PARD6B: variants seen among roughly 807,000 people sequenced by gnomAD.
The protein encoded by PARD6B is partitioning defective 6 homolog beta.
A neutral mutation model predicts 10.5 loss-of-function variants in PARD6B; 4 were observed. That is an observed-to-expected ratio of 0.38 (90% CI 0.19 to 0.87). PARD6B has a LOEUF of 0.87. Ranked by LOEUF, PARD6B falls within the 40% of genes least tolerant of loss-of-function variation. The pLI, the probability that PARD6B is intolerant of heterozygous loss-of-function variation, is 0.41. For synonymous variants in PARD6B, 169 were observed against 170.4 expected (o/e 0.99, Z 0.07); for missense variants, 396 against 470.6 (o/e 0.84, Z 1.47).
chr20:50,752,318 G>A lies in PARD6B; in HGVS notation c.*1830G>A, dbSNP rs1394680309. 2 of 961,868 alleles carry A rather than the reference G, an allele frequency of 2.1e-6. No individual in the cohort carries two copies. The highest frequency in any genetic ancestry group is 4.1e-5 in the African/African-American group (2 of 48,590). 59.6% of individuals were successfully genotyped at this position (961,868 alleles called of 1,614,324 possible). A position where few individuals can be genotyped will look rare whatever the true frequency, so the allele number is the denominator to read the frequency against. On this transcript the variant is annotated 3_prime_UTR_variant, in exon 3 of 3. Coordinates refer to ENST00000371610, the MANE Select transcript of PARD6B (RefSeq NM_032521.3). The stretch of plus-strand genomic sequence containing the variant: ...GTTTTAACACATAGGACAAACTTGT[G>A]CACTTTTTATGCCAAAAAAAAAAAA...
chr20:50,749,041 G>GT (rs1267220299), intron 2 of PARD6B, among the ~76,000 whole-genome samples: 19 of 152,074 alleles, frequency 1.2e-4, no homozygotes, highest in Non-Finnish European at 1.8e-4. Flanking sequence ...ATTTAATGAT[G>GT]TTTAAGAATA....
chr20:50,742,755 C>A (rs938263918), intron 2 of PARD6B, among the ~76,000 whole-genome samples: 1 of 152,144 alleles, frequency 6.6e-6, no homozygotes, highest in South Asian at 2.1e-4. Context: ...ACTAAAATTT[C>A]TTTAAAGTGA....
chr20:50,743,035 A>G (rs2087539305), intron 2 of PARD6B, among the ~76,000 whole-genome samples: 1 of 152,212 alleles, frequency 6.6e-6, no homozygotes, highest in African/African-American at 2.4e-5. Flanking sequence ...GAGAAGGTAC[A>G]GAATAGACTT....
chr20:50,753,059 T>C lies in PARD6B; in HGVS notation c.*2571T>C. 2 of 938,828 alleles carry C rather than the reference T, an allele frequency of 2.1e-6. No individual in the cohort carries two copies. Among genetic ancestry groups the C allele is most frequent in the Non-Finnish European group, 2.5e-6 (2 of 812,242 alleles). 58.2% of individuals were successfully genotyped at this position (938,828 alleles called of 1,614,324 possible). ...TCAACATTTTAAGTAAAAATATTTT[T>C]ACACACTACCTCTCTCTTTTTTTTT... On this transcript the variant is annotated 3_prime_UTR_variant, in exon 3 of 3. Coordinates refer to ENST00000371610, the MANE Select transcript of PARD6B (RefSeq NM_032521.3).
Position 50,742,055 on chromosome 20 carries a change from G to GTGTTT in PARD6B, c.289+3993_289+3997dup, listed in dbSNP as rs1001884416. Among the ~76,000 whole-genome samples, 24 of 152,002 alleles carry GTGTTT rather than the reference G, an allele frequency of 1.6e-4. 1 individual carries two copies. Among genetic ancestry groups the GTGTTT allele is most frequent in the South Asian group, 8.4e-4 (4 of 4,790 alleles). ...CAGAAGTTACACTTAATATGTACTG[G>GTGTTT]TGTTTTGTTTTGTTTTGTTTTAAGT... is the stretch of plus-strand genomic sequence containing the variant. On this transcript the variant is annotated intron_variant, in intron 2 of 2. Transcript: ENST00000371610.
chr20:50,743,982 C>A lies in PARD6B; in HGVS notation c.290-5677C>A, dbSNP rs2123704696. On this transcript the variant is annotated intron_variant, in intron 2 of 2. Coordinates refer to ENST00000371610, the MANE Select transcript of PARD6B (RefSeq NM_032521.3). Reference sequence around the variant, plus strand: ...ACGTGGGTGTCACCTTTGACACATACCTATTTTTTAGTCAGTCACCAAGCC... The same window carrying A: ...ACGTGGGTGTCACCTTTGACACATAACTATTTTTTAGTCAGTCACCAAGCC... 1.3e-5 allele frequency among the ~76,000 whole-genome samples: 2 copies of A among 151,888 alleles called. 1 individual carries two copies. Among genetic ancestry groups the A allele is most frequent in the South Asian group, 4.2e-4 (2 of 4,790 alleles).
intron 2 of PARD6B, among the ~76,000 whole-genome samples, chr20:50,744,198 T>A (rs1012696277): frequency 7.5e-6 from 1 of 132,998 alleles, no homozygotes; most frequent in Non-Finnish European, 1.6e-5. Context: ...CACGGCAACC[T>A]CCGCCTCCTG....
chr20:50,750,527 AG>A lies in PARD6B; in HGVS notation c.*41del. 1 of 1,587,476 alleles carries A rather than the reference AG, an allele frequency of 6.3e-7. No homozygotes were observed. Among genetic ancestry groups the A allele is most frequent in the Non-Finnish European group, 8.6e-7 (1 of 1,167,414 alleles). On this transcript the variant is annotated 3_prime_UTR_variant, in exon 3 of 3. Coordinates refer to ENST00000371610, the MANE Select transcript of PARD6B (RefSeq NM_032521.3). ...ATGTTTTCAGAGTGAGGATGCCATG[AG>A]GACTTGTACATTTGGCTAGTTTAAA...
Position 50,752,350 on chromosome 20 carries a change from GT to G in PARD6B, c.*1866del. On this transcript the variant is annotated 3_prime_UTR_variant, in exon 3 of 3. Transcript: ENST00000371610. ...TTATGCCAAAAAAAAAAAAAATTGG[GT>G]TTTCCTTCATGGGATTTCTAGAAAC... 1 of 984,980 alleles carries G rather than the reference GT, an allele frequency of 1.0e-6. No individual in the cohort carries two copies. Among genetic ancestry groups the G allele is most frequent in the Non-Finnish European group, 1.2e-6 (1 of 829,674 alleles). The allele number at this position is 984,980 out of a possible 1,614,324, so 61.0% of individuals were successfully genotyped here.
intron 2 of PARD6B, among the ~76,000 whole-genome samples, chr20:50,741,283 G>T (rs761914184): frequency 6.3e-4 from 95 of 151,830 alleles, no homozygotes; most frequent in Non-Finnish European, 1.2e-3. Flanking sequence ...CTGTTTCTGT[G>T]CTCTTATGCT....
At position 50,751,482 on chromosome 20, in the gene PARD6B, A is replaced by G. The variant is rs1376011332; in HGVS notation, c.*994A>G. On this transcript the variant is annotated 3_prime_UTR_variant, in exon 3 of 3. Transcript: ENST00000371610. ...ACCATTCTCCTGCCTCAGCCTCCCAAGTAGCTGGGACTACAGGCGCCTGCC... is the reference window on the plus strand; with the variant it reads ...ACCATTCTCCTGCCTCAGCCTCCCAGGTAGCTGGGACTACAGGCGCCTGCC... 1.1e-5 allele frequency: 8 copies of G among 740,242 alleles called. No homozygotes were observed. Among genetic ancestry groups the G allele is most frequent in the African/African-American group, 2.0e-5 (1 of 51,192 alleles). The allele number at this position is 740,242 out of a possible 1,614,324, so 45.9% of individuals were successfully genotyped here. A position where few individuals can be genotyped will look rare whatever the true frequency, so the allele number is the denominator to read the frequency against.
In PARD6B at chr20:50,753,056, T is replaced by G; in HGVS notation, c.*2568T>G. 1 of 950,276 alleles carries G rather than the reference T, an allele frequency of 1.1e-6. No individual in the cohort carries two copies. The allele number at this position is 950,276 out of a possible 1,614,324, so 58.9% of individuals were successfully genotyped here. A position where few individuals can be genotyped will look rare whatever the true frequency, so the allele number is the denominator to read the frequency against. On this transcript the variant is annotated 3_prime_UTR_variant, in exon 3 of 3. Coordinates refer to ENST00000371610, the MANE Select transcript of PARD6B (RefSeq NM_032521.3). ...GGTTCAACATTTTAAGTAAAAATAT[T>G]TTTACACACTACCTCTCTCTTTTTT...
intron 2 of PARD6B, among the ~76,000 whole-genome samples, chr20:50,747,046 G>C (rs2087570953): frequency 6.6e-6 from 1 of 151,828 alleles, no homozygotes; most frequent in South Asian, 2.1e-4. Flanking sequence ...TGTCCCCAAG[G>C]GGAAAAAAAT....
rs11469337 is a variant in PARD6B, at chr20:50,752,537, AGT to A, written c.*2053_*2054del. On this transcript the variant is annotated 3_prime_UTR_variant, in exon 3 of 3. Transcript: ENST00000371610. ...AATTCCTTGCCTGATTTTATTGTAC[AGT>A]GTGCACAAGCACAATGGTATGCTTG... 249,188 of 984,580 alleles carry A rather than the reference AGT, an allele frequency of 0.25. 31,841 individuals carry two copies. The highest frequency in any genetic ancestry group is 0.27 in the African/African-American group (15,480 of 57,238). The allele number at this position is 984,580 out of a possible 1,614,324, so 61.0% of individuals were successfully genotyped here. A position where few individuals can be genotyped will look rare whatever the true frequency, so the allele number is the denominator to read the frequency against.
Position 50,750,320 on chromosome 20 carries a change from G to A in PARD6B, c.951G>A (p.Leu317=). 1 of 1,614,192 alleles carries A rather than the reference G, an allele frequency of 6.2e-7. No individual in the cohort carries two copies. The change falls in exon 3 of 3, where the codon CTG becomes CTA. Residue 317 remains leucine (L), a synonymous_variant. Coordinates refer to ENST00000371610, the MANE Select transcript of PARD6B (RefSeq NM_032521.3). ...AAGCTGTTCCTAATACTGAGAGCCT[G>A]GAGTCATTAACACAGATAGAGCTAA... The part of the protein sequence containing the change: ...IPKAVPNTES[L]ESLTQIELSF...
Position 50,751,969 on chromosome 20 carries a change from G to A in PARD6B, c.*1481G>A. 1 of 985,020 alleles carries A rather than the reference G, an allele frequency of 1.0e-6. No individual in the cohort carries two copies. The highest frequency in any genetic ancestry group is 1.2e-6 in the Non-Finnish European group (1 of 829,634). The allele number at this position is 985,020 out of a possible 1,614,324, so 61.0% of individuals were successfully genotyped here. On this transcript the variant is annotated 3_prime_UTR_variant, in exon 3 of 3. Transcript: ENST00000371610. ...TCCGCCCATCTCCTCCCAAAGTGCT[G>A]GATTGCAGGCATGAGCGCCTAGCCA... is the stretch of plus-strand genomic sequence containing the variant.
chr20:50,747,473 CTTTTTTTCTTTCTTTCTTTTTT>C (rs2087574157), intron 2 of PARD6B, among the ~76,000 whole-genome samples: 1 of 44,144 alleles, frequency 2.3e-5, no homozygotes, highest in Admixed American at 2.4e-4. Flanking sequence ...TTTTCTTTTT[CTTTTTTTCTTTCTTTCTTTTTT>C]TTTTTTTTTT....
chr20:50,746,645 G>T (rs2064278), intron 2 of PARD6B, among the ~76,000 whole-genome samples: 38,665 of 152,130 alleles, frequency 0.25, 4,977 homozygotes, highest in African/African-American at 0.27. Context: ...AGCTAGATGG[G>T]AGAACAAAGG....
chr20:50,736,674 A>C (rs77248052), intron 1 of PARD6B, among the ~76,000 whole-genome samples: 6,375 of 151,892 alleles, frequency 0.042, 427 homozygotes, highest in African/African-American at 0.14. Flanking sequence ...GGACTAGATG[A>C]AGCCAGTCCT....
Sources: gnomAD v4.1 joint callset for allele counts (sites outside exome capture counted in the v4.1 genomes callset) on GRCh38, gnomAD v4.1.1 for gene constraint, MANE v1.5 for transcripts, NCBI Gene and HGNC (gene_info 2026-07-23, HGNC 2026-07-21) for gene names.